The following MACROD2 variants were observed in gnomAD, a reference collection of about 807,000 sequenced individuals.
MACROD2 encodes the protein mono-ADP ribosylhydrolase 2, also known as ADP-ribose glycohydrolase MACROD2.
A neutral mutation model predicts 70.4 loss-of-function variants in MACROD2; 36 were observed. The observed-to-expected ratio is 0.51, with a 90% CI of 0.39 to 0.68. MACROD2 has a LOEUF of 0.68. Among genes scored for constraint, MACROD2 ranks in the 30% least tolerant of loss-of-function variants. MACROD2 has a pLI of 0.00. For synonymous variants in MACROD2, 172 were observed against 178.8 expected (o/e 0.96, Z 0.30); for missense variants, 496 against 538.4 (o/e 0.92, Z 0.78).
chr20:14,551,156 A>T (rs1238469789), intron 4 of MACROD2, among the ~76,000 whole-genome samples: 1 of 152,060 alleles, frequency 6.6e-6, no homozygotes, highest in Non-Finnish European at 1.5e-5. Flanking sequence ...ATGCAATTTT[A>T]TCATGTAGAT....
chr20:14,710,726 T>G (rs531964385), intron 5 of MACROD2, among the ~76,000 whole-genome samples: 1 of 152,330 alleles, frequency 6.6e-6, no homozygotes, highest in African/African-American at 2.4e-5. Context: ...ATTATCATTT[T>G]TTATTACTTA....
intron 4 of MACROD2, among the ~76,000 whole-genome samples, chr20:14,569,142 T>G (rs919114577): frequency 6.6e-6 from 1 of 152,066 alleles, no homozygotes; most frequent in Admixed American, 6.6e-5. Context: ...CTCAGTGTCT[T>G]GGAGGTGTCT....
intron 8 of MACROD2, among the ~76,000 whole-genome samples, chr20:15,529,800 ATTAAAG>A (rs2047772837): frequency 6.6e-6 from 1 of 152,202 alleles, no homozygotes; most frequent in African/African-American, 2.4e-5. Flanking sequence ...CATTTAACAA[ATTAAAG>A]TTAAATTTAG....
At chr20:16,010,387 G>A (rs1282239855) in intron 15 of MACROD2, among the ~76,000 whole-genome samples, 1 of 152,174 alleles carries the variant, frequency 6.6e-6, no homozygotes, top group Non-Finnish European at 1.5e-5. Context: ...ATATGCCAGT[G>A]ATCACAGCCA....
intron 5 of MACROD2, among the ~76,000 whole-genome samples, chr20:14,988,747 A>G (rs1249704585): frequency 6.6e-6 from 1 of 152,212 alleles, no homozygotes; most frequent in Non-Finnish European, 1.5e-5. Context: ...TCTACACTAG[A>G]TTGAAAACTA....
intron 8 of MACROD2, among the ~76,000 whole-genome samples, chr20:15,823,743 G>T (rs2063966828): frequency 2.0e-5 from 3 of 152,174 alleles, no homozygotes; most frequent in African/African-American, 7.2e-5. Context: ...CTGGTCAAAT[G>T]TACATATGGC....
chr20:14,824,410 C>T (rs931740967), intron 5 of MACROD2, among the ~76,000 whole-genome samples: 1 of 152,054 alleles, frequency 6.6e-6, no homozygotes, highest in Non-Finnish European at 1.5e-5. Context: ...TTGATTTGCT[C>T]ATAATTCTAC....
At chr20:15,086,761 C>G (rs724820) in intron 5 of MACROD2, among the ~76,000 whole-genome samples, 1 of 151,844 alleles carries the variant, frequency 6.6e-6, no homozygotes, top group South Asian at 2.1e-4. Context: ...ACTAGTATAA[C>G]GTTGTACAGG....
intron 5 of MACROD2, among the ~76,000 whole-genome samples, chr20:15,110,083 A>G (rs2075943017): frequency 6.6e-6 from 1 of 152,140 alleles, no homozygotes; most frequent in Non-Finnish European, 1.5e-5. Flanking sequence ...ACAAAATACC[A>G]TTCTAAGTGG....
intron 5 of MACROD2, among the ~76,000 whole-genome samples, chr20:14,782,596 C>A (rs1468575174): frequency 6.6e-6 from 1 of 152,062 alleles, no homozygotes; most frequent in Non-Finnish European, 1.5e-5. Flanking sequence ...CTGGTTAATG[C>A]AGATATGAAA....
chr20:15,506,670 A>G (rs938621537), intron 8 of MACROD2, among the ~76,000 whole-genome samples: 1 of 152,252 alleles, frequency 6.6e-6, no homozygotes, highest in Admixed American at 6.5e-5. Context: ...GGGGGTTTAA[A>G]TGAAACATGA....
At chr20:14,196,022 T>G (rs1482457727) in intron 3 of MACROD2, among the ~76,000 whole-genome samples, 2 of 152,120 alleles carry the variant, frequency 1.3e-5, no homozygotes, top group Non-Finnish European at 2.9e-5. Flanking sequence ...CCACTGGGGC[T>G]TCAGCTGTAA....
intron 6 of MACROD2, among the ~76,000 whole-genome samples, chr20:15,377,583 C>A (rs1353341007): frequency 6.6e-6 from 1 of 152,168 alleles, no homozygotes; most frequent in Non-Finnish European, 1.5e-5. Flanking sequence ...AAAAAATTCA[C>A]AAGAAATGCC....
At chr20:15,716,214 T>A (rs563804893) in intron 8 of MACROD2, among the ~76,000 whole-genome samples, 1 of 152,294 alleles carries the variant, frequency 6.6e-6, no homozygotes, top group African/African-American at 2.4e-5. Context: ...TGCTTTCTGA[T>A]CAGTTGATTT....
rs140071522 is a variant in MACROD2 at position 14,525,762 on chromosome 20, A to G, written c.301+32254A>G. Among the ~76,000 whole-genome samples, 5 of 152,342 alleles carry G rather than the reference A, an allele frequency of 3.3e-5. No individual in the cohort carries two copies. In the East Asian group the frequency reaches 9.6e-4, roughly 29 times the overall value. On this transcript the variant is annotated intron_variant, in intron 4 of 17. Coordinates refer to ENST00000684519, the MANE Select transcript of MACROD2 (RefSeq NM_001351661.2). The stretch of plus-strand genomic sequence containing the variant: ...GGACAGTTGGATGCTAAAGCACTTA[A>G]AGTAACTTTTAGGTCATTTGCATTT...
intron 4 of MACROD2, among the ~76,000 whole-genome samples, chr20:14,648,581 G>T (rs527655208): frequency 6.6e-6 from 1 of 151,448 alleles, no homozygotes; most frequent in Non-Finnish European, 1.5e-5. Context: ...CTTTGTCTAC[G>T]TCTACTTTCT....
At chr20:14,611,598 G>A (rs1375547236) in intron 4 of MACROD2, among the ~76,000 whole-genome samples, 4 of 151,830 alleles carry the variant, frequency 2.6e-5, no homozygotes, top group East Asian at 1.9e-4. Flanking sequence ...TTGCTGTACC[G>A]AAGGGCCTGG....
intron 10 of MACROD2, among the ~76,000 whole-genome samples, chr20:15,915,627 A>G (rs2065302801): frequency 6.6e-6 from 1 of 152,218 alleles, no homozygotes; most frequent in Non-Finnish European, 1.5e-5. Flanking sequence ...TCAGGTCAGA[A>G]GAAATCACAT....
At chr20:15,201,881 A>C (rs1042707770) in intron 5 of MACROD2, among the ~76,000 whole-genome samples, 1 of 152,226 alleles carries the variant, frequency 6.6e-6, no homozygotes, top group Non-Finnish European at 1.5e-5. Flanking sequence ...TGATGAGATC[A>C]GATGTTTAGG....
Sources: allele counts gnomAD v4.1 joint callset (sites outside exome capture counted in the v4.1 genomes callset), GRCh38; gene constraint gnomAD v4.1.1; transcripts MANE v1.5; gene names NCBI Gene and HGNC (gene_info 2026-07-23, HGNC 2026-07-21).